The following CPLX2 variants were observed in gnomAD, a reference collection of about 807,000 sequenced individuals.
The protein encoded by CPLX2 is complexin 2.
In CPLX2, 5 loss-of-function variants were observed where a neutral mutation model predicts 16.3. The observed-to-expected ratio is 0.31, with a 90% CI of 0.16 to 0.64. The LOEUF (loss-of-function observed/expected upper bound fraction) is 0.64, where lower values mean the gene tolerates loss of function less well. Among genes scored for constraint, CPLX2 ranks in the 30% least tolerant of loss-of-function variants. CPLX2 has a pLI of 0.79. For missense variants in CPLX2, 144 were observed against 181.4 expected (o/e 0.79, Z 1.18); for synonymous variants, 89 against 73.2 (o/e 1.22, Z -1.10).
upstream of CPLX2, among the ~76,000 whole-genome samples, chr5:175,870,486 C>T (rs2113701667): frequency 6.6e-6 from 1 of 152,320 alleles, no homozygotes; most frequent in East Asian, 1.9e-4. Flanking sequence ...ATGTGAAACT[C>T]CTGCAGATCT....
chr5:175,861,134 G>A (rs1286303939), intron 2 of CPLX2, among the ~76,000 whole-genome samples: 3 of 152,174 alleles, frequency 2.0e-5, no homozygotes, highest in Non-Finnish European at 4.4e-5. Context: ...AAAGGCCATG[G>A]GCCAAGACAA....
intron 2 of CPLX2, among the ~76,000 whole-genome samples, chr5:175,813,218 C>T (rs907276783): frequency 4.6e-5 from 7 of 152,198 alleles, no homozygotes; most frequent in African/African-American, 1.7e-4. Context: ...GCACACTAAA[C>T]TGTGATTTAT....
intron 2 of CPLX2, among the ~76,000 whole-genome samples, chr5:175,857,970 C>T (rs936474088): frequency 3.9e-5 from 6 of 152,308 alleles, no homozygotes; most frequent in South Asian, 2.1e-4. Context: ...CTCCCAGCAG[C>T]GCCAGGGCCT....
At chr5:175,838,666 G>C (rs929187885) in intron 2 of CPLX2, among the ~76,000 whole-genome samples, 2 of 152,092 alleles carry the variant, frequency 1.3e-5, no homozygotes, top group African/African-American at 4.8e-5. Flanking sequence ...TGACCACATG[G>C]TTTTCCAGCT....
chr5:175,834,845 G>T (rs191112565), intron 2 of CPLX2, among the ~76,000 whole-genome samples: 140 of 152,316 alleles, frequency 9.2e-4, no homozygotes, highest in African/African-American at 3.1e-3. Flanking sequence ...CTGCACTCCA[G>T]CCTGGGCGAC....
intron 2 of CPLX2, among the ~76,000 whole-genome samples, chr5:175,854,813 T>C (rs1467936931): frequency 6.6e-6 from 1 of 152,150 alleles, no homozygotes; most frequent in Non-Finnish European, 1.5e-5. Context: ...TGTACCATGA[T>C]CCAGCGCCAC....
chr5:175,797,488 C>G (rs1164511273), intron 1 of CPLX2, among the ~76,000 whole-genome samples: 1 of 152,204 alleles, frequency 6.6e-6, no homozygotes, highest in Non-Finnish European at 1.5e-5. Flanking sequence ...GTGCGCCGCC[C>G]CGTCTTCCCT....
Position 175,880,244 on chromosome 5 carries a change from C to A in CPLX2, c.*199C>A, listed in dbSNP as rs181306444. 2.2e-3 allele frequency: 1,584 copies of A among 707,502 alleles called. 16 individuals are homozygous for A. In the African/African-American group the frequency reaches 0.024, roughly 11 times the overall value. The allele number at this position is 707,502 out of a possible 1,614,324, so 43.8% of individuals were successfully genotyped here. On this transcript the variant is annotated 3_prime_UTR_variant, in exon 4 of 4. Transcript: ENST00000393745. ...CAGGGTATCCACCTGCACCCCACTC[C>A]CAAGTAGCTTGAAAAAGGGAGGACA...
chr5:175,808,061 C>A (rs1287759935), intron 1 of CPLX2, among the ~76,000 whole-genome samples: 1 of 102,318 alleles, frequency 9.8e-6, no homozygotes, highest in Non-Finnish European at 2.4e-5. Flanking sequence ...GACAGGTTGT[C>A]CTGGGAGGAG....
Position 175,802,043 on chromosome 5 carries a change from A to C in CPLX2, c.-169+5259A>C, listed in dbSNP as rs553080010. Reference sequence around the variant, plus strand: ...TTAACATCTGTAGGAGAACAAAGGCAGTATATATTTTGTCCCATCATTGCA... The same window carrying C: ...TTAACATCTGTAGGAGAACAAAGGCCGTATATATTTTGTCCCATCATTGCA... On this transcript the variant is annotated intron_variant, in intron 1 of 4. Coordinates refer to the CPLX2 transcript ENST00000359546. Among the ~76,000 whole-genome samples, 186 of 152,346 alleles carry C rather than the reference A, an allele frequency of 1.2e-3. 1 individual carries two copies. Among genetic ancestry groups the C allele is most frequent in the African/African-American group, 4.3e-3 (180 of 41,584 alleles).
rs1758724444 is a variant in CPLX2 at position 175,830,938 on chromosome 5, T to C, written c.-89+21870T>C. Among the ~76,000 whole-genome samples, 3 of 152,216 alleles carry C rather than the reference T, an allele frequency of 2.0e-5. No homozygotes were observed. The highest frequency in any genetic ancestry group is 1.3e-4 in the Admixed American group (2 of 15,284). On this transcript the variant is annotated intron_variant, in intron 2 of 4. Coordinates refer to the CPLX2 transcript ENST00000359546. This position sits in a 1 kb window ranked among gnomAD's most constrained non-coding sequence, Gnocchi z 4.0. ...AGAGCCCAAGGGAAACGTGCGTGTG[T>C]TCGTGCTCACACAGTTGTGTCAGTG...
chr5:175,836,165 A>G (rs1165856791), intron 2 of CPLX2, among the ~76,000 whole-genome samples: 1 of 152,110 alleles, frequency 6.6e-6, no homozygotes, highest in Non-Finnish European at 1.5e-5. Flanking sequence ...CCTGGCTAAC[A>G]CGGTGAAACC....
At chr5:175,798,474 G>A (rs1386048690) in intron 1 of CPLX2, among the ~76,000 whole-genome samples, 1 of 152,166 alleles carries the variant, frequency 6.6e-6, no homozygotes, top group Admixed American at 6.5e-5. Context: ...CAAGGCAACT[G>A]GGCTGTGGGA....
upstream of CPLX2, among the ~76,000 whole-genome samples, chr5:175,870,671 G>A (rs566290310): frequency 1.1e-4 from 16 of 152,300 alleles, no homozygotes; most frequent in East Asian, 3.9e-4. Flanking sequence ...AAGGCTGGGG[G>A]TGGGAGCAGA....
chr5:175,865,521 G>A (rs770613642), intron 2 of CPLX2, among the ~76,000 whole-genome samples: 1 of 152,144 alleles, frequency 6.6e-6, no homozygotes, highest in Non-Finnish European at 1.5e-5. Context: ...CTCCTAGAAC[G>A]GGAACAAAAT....
chr5:175,876,990 A>G (rs143370164), intron 1 of CPLX2, among the ~76,000 whole-genome samples: 192 of 152,286 alleles, frequency 1.3e-3, no homozygotes, highest in Middle Eastern at 3.4e-3. Flanking sequence ...TGTTCCACAA[A>G]TATGTAGTCG....
At chr5:175,858,523 C>T (rs1000170459) in intron 2 of CPLX2, among the ~76,000 whole-genome samples, 3 of 152,196 alleles carry the variant, frequency 2.0e-5, no homozygotes, top group African/African-American at 7.2e-5. Context: ...GATGGCTCAG[C>T]CCCCGGGGGC....
At chr5:175,871,433 C>A (rs10067041), upstream of CPLX2, 25 of 27,528 alleles carry the variant, frequency 9.1e-4, no homozygotes, top group African/African-American at 3.4e-3. Flanking sequence ...GAGAGAGAGA[C>A]AGAGAGAGAG....
chr5:175,798,714 A>G (rs912919072), intron 1 of CPLX2, among the ~76,000 whole-genome samples: 1 of 152,190 alleles, frequency 6.6e-6, no homozygotes, highest in Non-Finnish European at 1.5e-5. Flanking sequence ...TTAGAAAAAT[A>G]GAAAGAATAG....
Sources: gnomAD v4.1 joint callset for allele counts (sites outside exome capture counted in the v4.1 genomes callset) on GRCh38, gnomAD v4.1.1 for gene constraint, Gnocchi (gnomAD v3.1) non-coding constraint, MANE v1.5 for transcripts, NCBI Gene and HGNC (gene_info 2026-07-23, HGNC 2026-07-21) for gene names.